Variants in SCGB2B2 observed in about 807,000 individuals in gnomAD.
SCGB2B2 encodes the protein secretoglobin family 2B member 2.
Under a neutral mutation model 7.6 loss-of-function variants are expected in SCGB2B2, and 11 were observed. The ratio of observed to expected loss-of-function variants is 1.45; its 90% CI spans 0.91 to 2.40. SCGB2B2 has a LOEUF of 2.40. Among genes scored for constraint, SCGB2B2 ranks in the 30% most tolerant of loss-of-function variants. The pLI is 0.00. For missense variants in SCGB2B2, 104 were observed against 115.4 expected, an observed-to-expected ratio of 0.90 and a Z score of 0.45; for synonymous variants, 50 against 48.6, an observed-to-expected ratio of 1.03 and a Z score of -0.12.
At chr19:34,628,547 C>A (rs1335640027) in intron 1 of SCGB2B2, among the ~76,000 whole-genome samples, 1 of 151,880 alleles carries the variant, frequency 6.6e-6, no homozygotes, top group East Asian at 1.9e-4. Flanking sequence ...GACACATACA[C>A]CCTCCCAAGA....
At chr19:34,599,524 C>T (rs2065558821) in intron 1 of SCGB2B2, among the ~76,000 whole-genome samples, 3 of 152,166 alleles carry the variant, frequency 2.0e-5, no homozygotes, top group Non-Finnish European at 4.4e-5. Flanking sequence ...AGACAGGTTT[C>T]CCCTTATCAA....
Position 34,592,526 on chromosome 19 carries a change from G to C in SCGB2B2, c.*1029C>G, listed in dbSNP as rs2065323627. Reference sequence around the variant, plus strand: ...GGAGGAGTCTAGGGCGGTGTGAGCTGATAGGGGTAGGCGACCACCGCCTGG... The same window carrying C: ...GGAGGAGTCTAGGGCGGTGTGAGCTCATAGGGGTAGGCGACCACCGCCTGG... On this transcript the variant is annotated 3_prime_UTR_variant, in exon 4 of 4. Coordinates refer to ENST00000601241, the MANE Select transcript of SCGB2B2 (RefSeq NM_001025591.4). Among the ~76,000 whole-genome samples the C allele has an allele frequency of 6.6e-6, 1 of 151,912 alleles. No individual in the cohort carries two copies. The highest frequency in any genetic ancestry group is 1.5e-5 in the Non-Finnish European group (1 of 67,962).
chr19:34,643,743 AAGG>A (rs750004509), intron 1 of SCGB2B2, among the ~76,000 whole-genome samples: 1 of 152,150 alleles, frequency 6.6e-6, no homozygotes, highest in Non-Finnish European at 1.5e-5. Flanking sequence ...ATGATGGTAA[AAGG>A]AGAACATTAG....
At chr19:34,628,721 T>C (rs1425207978) in intron 1 of SCGB2B2, among the ~76,000 whole-genome samples, 1 of 151,966 alleles carries the variant, frequency 6.6e-6, no homozygotes, top group East Asian at 1.9e-4. Flanking sequence ...CTTCTGAAAC[T>C]ATTGCAATCA....
intron 1 of SCGB2B2, among the ~76,000 whole-genome samples, chr19:34,616,053 G>A (rs1295175554): frequency 6.6e-6 from 1 of 150,874 alleles, no homozygotes; most frequent in Non-Finnish European, 1.5e-5. Context: ...ATTCCATGGT[G>A]TATATGTGCC....
intron 1 of SCGB2B2, among the ~76,000 whole-genome samples, chr19:34,656,627 G>A (rs2067290147): frequency 6.6e-6 from 1 of 151,164 alleles, no homozygotes; most frequent in Non-Finnish European, 1.5e-5. Flanking sequence ...AATTCTCTTA[G>A]AAAATAGAAG....
chr19:34,673,731 G>C (rs2067855766), intron 1 of SCGB2B2, among the ~76,000 whole-genome samples: 1 of 152,158 alleles, frequency 6.6e-6, no homozygotes, highest in Non-Finnish European at 1.5e-5. Flanking sequence ...AGCATATATT[G>C]TTACGGGTAT....
intron 1 of SCGB2B2, among the ~76,000 whole-genome samples, chr19:34,625,963 A>G (rs1003663723): frequency 2.6e-5 from 4 of 152,182 alleles, no homozygotes; most frequent in African/African-American, 9.7e-5. Flanking sequence ...CTTTTCACCC[A>G]TATCCGCTGT....
At chr19:34,665,409 G>A (rs1216727913) in intron 1 of SCGB2B2, among the ~76,000 whole-genome samples, 2 of 152,164 alleles carry the variant, frequency 1.3e-5, no homozygotes, top group Admixed American at 6.5e-5. Flanking sequence ...CTCTCCTGGA[G>A]GTAGATGATG....
chr19:34,667,320 C>A (rs999054863), intron 1 of SCGB2B2, among the ~76,000 whole-genome samples: 1 of 152,144 alleles, frequency 6.6e-6, no homozygotes, highest in African/African-American at 2.4e-5. Flanking sequence ...CACCCCTCCC[C>A]ACAGGAAGAA....
At chr19:34,659,303 G>A (rs948113341) in intron 1 of SCGB2B2, among the ~76,000 whole-genome samples, 4 of 152,188 alleles carry the variant, frequency 2.6e-5, no homozygotes. Flanking sequence ...AATAAGGCAA[G>A]AGAAAGAAAG....
chr19:34,645,357 TC>T (rs1205093920), intron 1 of SCGB2B2: 2 of 156,298 alleles, frequency 1.3e-5, no homozygotes, highest in African/African-American at 4.8e-5. Flanking sequence ...CCCAGGACAC[TC>T]CAGGGAGGAC....
At chr19:34,598,337 G>A (rs1189895229) in intron 1 of SCGB2B2, among the ~76,000 whole-genome samples, 1 of 152,216 alleles carries the variant, frequency 6.6e-6, no homozygotes, top group Non-Finnish European at 1.5e-5. Flanking sequence ...ACCGACCTGA[G>A]CCGTGTCCCT....
chr19:34,614,457 GT>G (rs1325839350), intron 1 of SCGB2B2, among the ~76,000 whole-genome samples: 1 of 151,624 alleles, frequency 6.6e-6, no homozygotes, highest in Non-Finnish European at 1.5e-5. Context: ...CAGGATTTCT[GT>G]TTTTTAATTA....
intron 1 of SCGB2B2, among the ~76,000 whole-genome samples, chr19:34,611,978 T>C (rs1337655570): frequency 6.6e-6 from 1 of 150,718 alleles, no homozygotes; most frequent in African/African-American, 2.4e-5. Context: ...AATTTCTTTA[T>C]TAACTCATTG....
chr19:34,635,497 TC>T, intron 1 of SCGB2B2: 1 of 299,740 alleles, frequency 3.3e-6, no homozygotes. Flanking sequence ...CTGTAGGCTT[TC>T]CCACATTCGC....
chr19:34,586,318 T>G (rs997994676), downstream of SCGB2B2, among the ~76,000 whole-genome samples: 1 of 152,230 alleles, frequency 6.6e-6, no homozygotes, highest in African/African-American at 2.4e-5. Context: ...AGTACATAAT[T>G]TGTGACTTTT....
chr19:34,625,071 T>C (rs765151107), intron 1 of SCGB2B2, among the ~76,000 whole-genome samples: 13 of 152,224 alleles, frequency 8.5e-5, no homozygotes, highest in Non-Finnish European at 1.9e-4. Flanking sequence ...GAGTATTATC[T>C]GCTTATTCTA....
intron 1 of SCGB2B2, among the ~76,000 whole-genome samples, chr19:34,628,384 TAAGAA>T (rs1235120192): frequency 1.1e-4 from 16 of 150,570 alleles, no homozygotes; most frequent in East Asian, 9.8e-4. Context: ...GCAAGACTAA[TAAGAA>T]AAGAGAGAAG....
Sources: allele counts gnomAD v4.1 joint callset (sites outside exome capture counted in the v4.1 genomes callset), GRCh38; gene constraint gnomAD v4.1.1; transcripts MANE v1.5; gene names NCBI Gene and HGNC (gene_info 2026-07-23, HGNC 2026-07-21).